The following DIAPH3 variants were observed in gnomAD, a reference collection of about 807,000 sequenced individuals.
DIAPH3 encodes the protein diaphanous related formin 3.
Under a neutral mutation model 144.3 loss-of-function variants are expected in DIAPH3, and 117 were observed. The observed-to-expected ratio is 0.81, with a 90% CI of 0.70 to 0.95. DIAPH3 has a LOEUF of 0.95. Among genes scored for constraint, DIAPH3 ranks in the 40% least tolerant of loss-of-function variants. DIAPH3 has a pLI of 0.00. For missense variants in DIAPH3, 1,421 were observed against 1,412.7 expected (o/e 1.01, Z -0.09); for synonymous variants, 519 against 488.9 (o/e 1.06, Z -0.81).
intron 27 of DIAPH3, among the ~76,000 whole-genome samples, chr13:59,732,355 A>G (rs2138988426): frequency 6.6e-6 from 1 of 151,588 alleles, no homozygotes; most frequent in African/African-American, 2.4e-5. Flanking sequence ...CTGAATTATA[A>G]ATAGGACAAA....
At chr13:59,824,015 A>C (rs573969095) in intron 24 of DIAPH3, among the ~76,000 whole-genome samples, 2 of 152,166 alleles carry the variant, frequency 1.3e-5, no homozygotes, top group Non-Finnish European at 2.9e-5. Flanking sequence ...AAATTGACTT[A>C]AAGTCGGCAA....
intron 9 of DIAPH3, among the ~76,000 whole-genome samples, chr13:60,007,285 A>T (rs1238694635): frequency 2.6e-5 from 4 of 152,198 alleles, no homozygotes. Context: ...TCCTGACATC[A>T]GGTGATCTGC....
At chr13:60,007,598 A>C (rs1371734354) in intron 9 of DIAPH3, among the ~76,000 whole-genome samples, 1 of 152,192 alleles carries the variant, frequency 6.6e-6, no homozygotes, top group African/African-American at 2.4e-5. Flanking sequence ...TAAATTTCCC[A>C]ATGTCCAGGT....
At chr13:59,720,708 T>C (rs1415408341) in intron 27 of DIAPH3, among the ~76,000 whole-genome samples, 4 of 152,166 alleles carry the variant, frequency 2.6e-5, no homozygotes, top group Non-Finnish European at 5.9e-5. Context: ...AAACTGAATA[T>C]ATGAGGAAGA....
intron 27 of DIAPH3, among the ~76,000 whole-genome samples, chr13:59,723,537 C>T (rs2035449936): frequency 6.6e-6 from 1 of 151,984 alleles, no homozygotes; most frequent in African/African-American, 2.4e-5. Flanking sequence ...TTCAAGTCTC[C>T]TGGTAAAAGT....
rs1594400984 is a variant in DIAPH3, at chr13:60,027,423, A to T, written c.627-11278T>A. Reference sequence around the variant, plus strand: ...AAACAATCATTTATTCCCACTTTTCATATCAGATAAGATAACACAGTAATA... The same window carrying T: ...AAACAATCATTTATTCCCACTTTTCTTATCAGATAAGATAACACAGTAATA... On this transcript the variant is annotated intron_variant, in intron 5 of 27. Coordinates refer to ENST00000400324, the MANE Select transcript of DIAPH3 (RefSeq NM_001042517.2). Among the ~76,000 whole-genome samples, 3 of 152,352 alleles carry T rather than the reference A, an allele frequency of 2.0e-5. No homozygotes were observed. In the South Asian group the frequency reaches 6.2e-4, roughly 32 times the overall value.
At chr13:60,060,334 G>A (rs560485558) in intron 4 of DIAPH3, among the ~76,000 whole-genome samples, 46 of 152,136 alleles carry the variant, frequency 3.0e-4, no homozygotes, top group Admixed American at 7.9e-4. Flanking sequence ...TTTGGTCTCC[G>A]ATTTCCTCAG....
intron 21 of DIAPH3, among the ~76,000 whole-genome samples, chr13:59,872,135 T>A (rs564783861): frequency 1.3e-5 from 2 of 152,210 alleles, no homozygotes; most frequent in Non-Finnish European, 1.5e-5. Context: ...CCATTTGCTC[T>A]TCTTTTTCTT....
intron 27 of DIAPH3, among the ~76,000 whole-genome samples, chr13:59,745,534 G>A (rs1409728404): frequency 4.6e-5 from 7 of 152,100 alleles, no homozygotes; most frequent in Admixed American, 1.3e-4. Context: ...TGAGAATTAC[G>A]TGCAAGCCAA....
At chr13:59,914,423 G>T (rs567364999) in intron 19 of DIAPH3, among the ~76,000 whole-genome samples, 15 of 152,120 alleles carry the variant, frequency 9.9e-5, no homozygotes, top group Non-Finnish European at 5.9e-5. Context: ...TATTTAGAAA[G>T]TATGATAGGC....
rs1460009691 is a variant in DIAPH3 at position 59,916,172 on chromosome 13, C to A, written c.2248G>T (p.Ala750Ser). The change falls in exon 19 of 28, where the codon GCA becomes TCA. Residue 750 changes from alanine (A) to serine (S), a missense_variant. Coordinates refer to ENST00000400324, the MANE Select transcript of DIAPH3 (RefSeq NM_001042517.2). Reference protein sequence around the residue: ...MILEVDETRLAESMIQNLIKH... With the variant: ...MILEVDETRLSESMIQNLIKH... ...TTGTTTACCTGAATCATAGACTCTG[C>A]CAACCGTGTTTCATCTACTTCCAAT... 5 of 1,612,958 alleles carry A rather than the reference C, an allele frequency of 3.1e-6. No individual in the cohort carries two copies. Among genetic ancestry groups the A allele is most frequent in the Non-Finnish European group, 4.2e-6 (5 of 1,179,266 alleles).
intron 27 of DIAPH3, among the ~76,000 whole-genome samples, chr13:59,756,452 G>GGAAGGAAGGAAGGAAGGAAA (rs1566266071): frequency 2.1e-5 from 3 of 141,898 alleles, no homozygotes; most frequent in Admixed American, 1.4e-4. Flanking sequence ...AAAGAAGGAA[G>GGAAGGAAGGAAGGAAGGAAA]GAAGGAAGGA....
intron 2 of DIAPH3, among the ~76,000 whole-genome samples, chr13:60,117,610 T>C (rs974706725): frequency 1.3e-5 from 2 of 152,116 alleles, no homozygotes; most frequent in African/African-American, 4.8e-5. Flanking sequence ...CAAATCATTT[T>C]ACATGTTATA....
At chr13:59,972,173 A>G (rs558331831) in intron 15 of DIAPH3, among the ~76,000 whole-genome samples, 35 of 152,274 alleles carry the variant, frequency 2.3e-4, no homozygotes, top group African/African-American at 7.9e-4. Context: ...GAAAAAGCCA[A>G]CTGGGCACAG....
At chr13:60,075,321 T>G (rs1472669921) in intron 4 of DIAPH3, among the ~76,000 whole-genome samples, 1 of 152,224 alleles carries the variant, frequency 6.6e-6, no homozygotes, top group Non-Finnish European at 1.5e-5. Context: ...CTTTACACAT[T>G]ATTGATACAT....
chr13:59,756,984 T>C (rs2037312212), intron 27 of DIAPH3, among the ~76,000 whole-genome samples: 1 of 152,160 alleles, frequency 6.6e-6, no homozygotes, highest in Non-Finnish European at 1.5e-5. Context: ...GATGACATAG[T>C]TTGCTAAGAA....
At chr13:60,080,700 A>G (rs1163547588) in intron 4 of DIAPH3, among the ~76,000 whole-genome samples, 1 of 151,944 alleles carries the variant, frequency 6.6e-6, no homozygotes, top group Non-Finnish European at 1.5e-5. Context: ...GATAATTTTT[A>G]AATGAATTAT....
At chr13:60,046,102 C>T (rs2056049617) in intron 4 of DIAPH3, among the ~76,000 whole-genome samples, 1 of 152,168 alleles carries the variant, frequency 6.6e-6, no homozygotes, top group Admixed American at 6.5e-5. Context: ...TCTCTTCCAA[C>T]TCCTGAATAG....
rs60262837 is a variant in DIAPH3 at position 60,083,100 on chromosome 13, T to C, written c.495+10528A>G. On this transcript the variant is annotated intron_variant, in intron 4 of 27. Transcript: ENST00000400324. ...CTGATACCAGGTCTAGCGGGCTAAA[T>C]ATTCTAGAGGAGGAGCTTGATCATC... 1.3e-4 allele frequency among the ~76,000 whole-genome samples: 20 copies of C among 152,144 alleles called. No homozygotes were observed. The East Asian group carries it at 3.9e-3, about 29-fold the overall frequency.
Sources: gnomAD v4.1 joint callset for allele counts (sites outside exome capture counted in the v4.1 genomes callset) on GRCh38, gnomAD v4.1.1 for gene constraint, MANE v1.5 for transcripts, NCBI Gene and HGNC (gene_info 2026-07-23, HGNC 2026-07-21) for gene names.